The following MAP4K4 variants were observed in gnomAD, a reference collection of about 807,000 sequenced individuals.
The protein encoded by MAP4K4 is HPK/GCK-like kinase HGK.
Under a neutral mutation model 189.6 loss-of-function variants are expected in MAP4K4, and 38 were observed. The observed-to-expected ratio is 0.20, with a 90% CI of 0.15 to 0.26. The LOEUF (loss-of-function observed/expected upper bound fraction) is 0.26, where lower values mean the gene tolerates loss of function less well. MAP4K4 is among the 10% of genes least tolerant of loss of function. The probability of loss-of-function intolerance (pLI) is 1.00; values close to 1 mark genes in which losing one functional copy is unlikely to be tolerated. For missense variants in MAP4K4, 1,054 were observed against 1,726.9 expected, an observed-to-expected ratio of 0.61 and a Z score of 6.91; for synonymous variants, 610 against 624.3, an observed-to-expected ratio of 0.98 and a Z score of 0.34.
intron 27 of MAP4K4, among the ~76,000 whole-genome samples, chr2:101,879,749 T>C (rs1336741020): frequency 6.6e-6 from 1 of 151,940 alleles, no homozygotes; most frequent in Non-Finnish European, 1.5e-5. Context: ...GTCCAGACTT[T>C]GAACATGTTA....
chr2:101,715,586 TC>T (rs1430214985), intron 2 of MAP4K4, among the ~76,000 whole-genome samples: 1 of 152,188 alleles, frequency 6.6e-6, no homozygotes, highest in Admixed American at 6.5e-5. Flanking sequence ...ATATCTCTAA[TC>T]CAAAAGTCTG....
intron 18 of MAP4K4, among the ~76,000 whole-genome samples, chr2:101,865,431 C>T (rs1460105430): frequency 6.6e-6 from 1 of 152,198 alleles, no homozygotes; most frequent in African/African-American, 2.4e-5. Context: ...GTTGACTTCA[C>T]AGTCTGCAGT....
rs911792113 is a variant in MAP4K4, at chr2:101,738,413, T to A, written c.123+39875T>A. Among the ~76,000 whole-genome samples the A allele has an allele frequency of 5.3e-5, 8 of 152,302 alleles. No individual in the cohort carries two copies. In the South Asian group the frequency reaches 8.3e-4, roughly 16 times the overall value. Reference sequence around the variant, plus strand: ...CAGTCAATACTAGAAGTAACTTACATGCAGATTTTTAAAAAAAGCAGTAGG... The same window carrying A: ...CAGTCAATACTAGAAGTAACTTACAAGCAGATTTTTAAAAAAAGCAGTAGG... On this transcript the variant is annotated intron_variant, in intron 2 of 32. Coordinates refer to ENST00000324219, the Ensembl canonical transcript of MAP4K4.
intron 3 of MAP4K4, among the ~76,000 whole-genome samples, chr2:101,813,281 T>A (rs909280407): frequency 6.6e-6 from 1 of 152,206 alleles, no homozygotes; most frequent in African/African-American, 2.4e-5. Flanking sequence ...AAAAATTATT[T>A]TCTGATAAAA....
intron 2 of MAP4K4, among the ~76,000 whole-genome samples, chr2:101,744,601 G>A (rs547851808): frequency 1.6e-4 from 24 of 152,176 alleles, no homozygotes; most frequent in East Asian, 3.9e-4. Context: ...GGGTTGGGGG[G>A]TGTGTGAGGA....
intron 24 of MAP4K4, among the ~76,000 whole-genome samples, chr2:101,872,408 G>A (rs912751206): frequency 7.2e-5 from 11 of 152,094 alleles, no homozygotes; most frequent in South Asian, 2.1e-4. Context: ...TGTGGTGCTC[G>A]GTCTGGGTGT....
chr2:101,860,003 T>C, intron 15 of MAP4K4, 139 bp downstream of exon 15: 1 of 927,728 alleles, frequency 1.1e-6, no homozygotes. Flanking sequence ...ACTAGGAAAT[T>C]GAATTTCAGA....
intron 2 of MAP4K4, among the ~76,000 whole-genome samples, chr2:101,778,559 C>T (rs553664484): frequency 1.3e-5 from 2 of 151,838 alleles, no homozygotes; most frequent in Admixed American, 6.6e-5. Context: ...CTTGATTGGT[C>T]GAGGCTGTGG....
At chr2:101,797,008 C>G (rs1222386649) in intron 3 of MAP4K4, among the ~76,000 whole-genome samples, 1 of 152,196 alleles carries the variant, frequency 6.6e-6, no homozygotes, top group African/African-American at 2.4e-5. Context: ...TGAGCTCTGA[C>G]CACGCATGGG....
chr2:101,844,607 C>T (rs1031829679), intron 12 of MAP4K4, among the ~76,000 whole-genome samples: 1 of 152,200 alleles, frequency 6.6e-6, no homozygotes, highest in African/African-American at 2.4e-5. Flanking sequence ...TGGCATCAGA[C>T]CAGTTTTGTG....
At chr2:101,833,858 G>A (rs1021769435) in intron 7 of MAP4K4, among the ~76,000 whole-genome samples, 1 of 152,134 alleles carries the variant, frequency 6.6e-6, no homozygotes, top group African/African-American at 2.4e-5. Flanking sequence ...AGGTAGGGTG[G>A]GGATGCTTAG....
chr2:101,776,321 CG>C (rs1370222119), intron 2 of MAP4K4, among the ~76,000 whole-genome samples: 1 of 152,064 alleles, frequency 6.6e-6, no homozygotes, highest in Non-Finnish European at 1.5e-5. Context: ...TCAAGAATAT[CG>C]GGCCCGGGCT....
chr2:101,749,670 T>C (rs1381791759), intron 2 of MAP4K4, among the ~76,000 whole-genome samples: 2 of 147,418 alleles, frequency 1.4e-5, no homozygotes, highest in Admixed American at 6.7e-5. Context: ...GGGATCTAAT[T>C]AAACTAAAGA....
chr2:101,887,636 T>C (rs2098506858), intron 30 of MAP4K4, 142 bp from the exon 31 acceptor site: 6 of 606,274 alleles, frequency 9.9e-6, no homozygotes, highest in Non-Finnish European at 1.7e-5. Context: ...ATTGCATGAC[T>C]ATTCTAAAAT....
Position 101,813,748 on chromosome 2 carries a change from G to A in MAP4K4, c.181-10180G>A, listed in dbSNP as rs371050189. Among the ~76,000 whole-genome samples, 315 of 152,260 alleles carry A rather than the reference G, an allele frequency of 2.1e-3. 1 individual carries two copies. The highest frequency in any genetic ancestry group is 7.2e-3 in the African/African-American group (301 of 41,536). ...TTTCCCCATAAGGACCACTTACATC[G>A]TGGGCTAGAAATGAATATACTGGTT... On this transcript the variant is annotated intron_variant, in intron 3 of 32. Transcript: ENST00000324219.
intron 3 of MAP4K4, 56 bp downstream of exon 3, chr2:101,790,832 C>T: frequency 7.3e-7 from 1 of 1,365,216 alleles, no homozygotes; most frequent in Non-Finnish European, 1.0e-6. Context: ...CAAAGATTCC[C>T]CCAACAACAC....
At position 101,875,204 on chromosome 2, in the gene MAP4K4, A is replaced by G. The variant is rs1441408368; in HGVS notation, c.3241+952A>G. On this transcript the variant is annotated intron_variant, in intron 26 of 32. Transcript: ENST00000324219. The stretch of plus-strand genomic sequence containing the variant: ...GTTTTAGATCAACTTGCCTAGATAT[A>G]TGCAGGGAAACCTAAGCATAATATT... Among the ~76,000 whole-genome samples the G allele has an allele frequency of 1.2e-4, 19 of 152,354 alleles. No individual in the cohort carries two copies. In the East Asian group the frequency reaches 3.5e-3, roughly 28 times the overall value.
intron 2 of MAP4K4, among the ~76,000 whole-genome samples, chr2:101,757,695 G>C (rs545349603): frequency 4.8e-4 from 73 of 152,254 alleles, no homozygotes; most frequent in African/African-American, 1.7e-3. Flanking sequence ...GTTAGGCACA[G>C]TAAGAGATTA....
In MAP4K4 at chr2:101,844,088, CT is replaced by C; in HGVS notation, c.1023-8del. On this transcript the variant is annotated splice_polypyrimidine_tract_variant and intron_variant, in intron 11 of 32. Transcript: ENST00000324219. Reference sequence around the variant, plus strand: ...TCGGTGCACACCCCTGAAAGCCCTGCTTTTTCCAACAGTTCCATTGTGAACG... The same window carrying C: ...TCGGTGCACACCCCTGAAAGCCCTGCTTTTCCAACAGTTCCATTGTGAACG... 1 of 1,603,430 alleles carries C rather than the reference CT, an allele frequency of 6.2e-7. No homozygotes were observed. The highest frequency in any genetic ancestry group is 8.5e-7 in the Non-Finnish European group (1 of 1,174,042).
Sources: gnomAD v4.1 joint callset for allele counts (sites outside exome capture counted in the v4.1 genomes callset) on GRCh38, gnomAD v4.1.1 for gene constraint, MANE v1.5 for transcripts, NCBI Gene and HGNC (gene_info 2026-07-23, HGNC 2026-07-21) for gene names.